Variants in FAF1 observed in about 807,000 individuals in gnomAD.
FAF1 encodes the protein FAS-associated factor 1.
FAF1 carries 25 observed loss-of-function variants against 92.5 expected under a neutral mutation model. The ratio of observed to expected loss-of-function variants is 0.27; its 90% confidence interval spans 0.20 to 0.38. The LOEUF is 0.38. Ranked by LOEUF, FAF1 falls within the 10% of genes least tolerant of loss-of-function variation. The pLI is 1.00. For missense variants in FAF1, 636 were observed against 793.3 expected (o/e 0.80, Z 2.38); for synonymous variants, 234 against 273.2 (o/e 0.86, Z 1.42).
At chr1:50,576,804 GACTA>G (rs1380167097) in intron 12 of FAF1, among the ~76,000 whole-genome samples, 15 of 150,918 alleles carry the variant, frequency 9.9e-5, no homozygotes, top group Admixed American at 4.0e-4. Context: ...CACCGCACCT[GACTA>G]ACTGTTTTTG....
At chr1:50,612,323 T>C in intron 8 of FAF1, 4 of 1,223,016 alleles carry the variant, frequency 3.3e-6, no homozygotes, top group Non-Finnish European at 3.2e-6. Flanking sequence ...ATGAAAAGGT[T>C]ATTTTACCTC....
intron 18 of FAF1, among the ~76,000 whole-genome samples, chr1:50,445,738 A>C (rs1043276860): frequency 1.3e-5 from 2 of 152,208 alleles, no homozygotes; most frequent in Non-Finnish European, 2.9e-5. Flanking sequence ...TCATTCTCAG[A>C]TAAGAGGTAT....
intron 2 of FAF1, among the ~76,000 whole-genome samples, chr1:50,816,461 C>T (rs1020208164): frequency 6.6e-6 from 1 of 151,912 alleles, no homozygotes; most frequent in Non-Finnish European, 1.5e-5. Flanking sequence ...GCCTCGGCCT[C>T]CCAAAGTGCT....
chr1:50,799,717 T>C (rs1295721859), intron 3 of FAF1, among the ~76,000 whole-genome samples: 3 of 152,336 alleles, frequency 2.0e-5, no homozygotes, highest in African/African-American at 7.2e-5. Flanking sequence ...TGTTAAGGGA[T>C]GGACTAACAA....
intron 17 of FAF1, among the ~76,000 whole-genome samples, chr1:50,482,765 C>G (rs1046301536): frequency 6.6e-6 from 1 of 152,132 alleles, no homozygotes; most frequent in Non-Finnish European, 1.5e-5. Flanking sequence ...AAATTTTGAG[C>G]ATATTTTGAT....
At chr1:50,832,160 G>A (rs1644160824) in intron 2 of FAF1, among the ~76,000 whole-genome samples, 1 of 152,076 alleles carries the variant, frequency 6.6e-6, no homozygotes, top group Non-Finnish European at 1.5e-5. Context: ...GAAATAAAGT[G>A]GAGAATAAAT....
At position 50,633,349 on chromosome 1, in the gene FAF1, A is replaced by G. The variant is rs1177389668; in HGVS notation, c.744+22093T>C. 2.0e-5 allele frequency among the ~76,000 whole-genome samples: 3 copies of G among 152,230 alleles called. No individual in the cohort carries two copies. The East Asian group carries it at 5.8e-4, about 29-fold the overall frequency. ...TCAGTCCTGTATCTTCTAACCTGTC[A>G]TAATTAATTCCATCTCCTTGCACTT... On this transcript the variant is annotated intron_variant, in intron 8 of 18. Transcript: ENST00000396153.
chr1:50,724,642 T>C (rs72900979), intron 6 of FAF1, among the ~76,000 whole-genome samples: 10,079 of 152,268 alleles, frequency 0.066, 409 homozygotes, highest in East Asian at 0.094. Context: ...TGAGAAAATA[T>C]GTAGCTTTCC....
At position 50,503,828 on chromosome 1, in the gene FAF1, A is replaced by G. The variant is rs916402557; in HGVS notation, c.1495-12027T>C. On this transcript the variant is annotated intron_variant, in intron 15 of 18. Coordinates refer to ENST00000396153, the MANE Select transcript of FAF1 (RefSeq NM_007051.3). ...TTAATTTTTAATAAAATTCTAGAAA[A>G]CGCAAACAAATCTATGCTGACAGAA... Among the ~76,000 whole-genome samples, 7 of 152,246 alleles carry G rather than the reference A, an allele frequency of 4.6e-5. No homozygotes were observed. The South Asian group carries it at 1.2e-3, about 27-fold the overall frequency.
At chr1:50,489,285 A>G (rs1223564652) in intron 17 of FAF1, among the ~76,000 whole-genome samples, 10 of 152,236 alleles carry the variant, frequency 6.6e-5, no homozygotes, top group Non-Finnish European at 1.5e-5. Flanking sequence ...TTTGTTAAAC[A>G]AGTGAAAGTG....
rs1426308864 is a variant in FAF1, at chr1:50,511,986, T to C, written c.1495-20185A>G. On this transcript the variant is annotated intron_variant, in intron 15 of 18. Transcript: ENST00000396153. ...ACTGTGGTGTTGATTTGCATTTCTCTAATGACCAGTGATGACGAGCTTTTT... is the reference window on the plus strand; with the variant it reads ...ACTGTGGTGTTGATTTGCATTTCTCCAATGACCAGTGATGACGAGCTTTTT... 8.5e-5 allele frequency among the ~76,000 whole-genome samples: 13 copies of C among 152,368 alleles called. No individual in the cohort carries two copies. In the Middle Eastern group the frequency reaches 0.01, roughly 120 times the overall value.
At chr1:50,561,844 T>TGGAAGGAA (rs1557995999) in intron 13 of FAF1, among the ~76,000 whole-genome samples, 5 of 94,270 alleles carry the variant, frequency 5.3e-5, no homozygotes, top group Non-Finnish European at 1.2e-4. Flanking sequence ...GATGGACGGA[T>TGGAAGGAA]GGACGGAAGG....
Position 50,846,292 on chromosome 1 carries a change from T to G in FAF1, c.114+11637A>C, listed in dbSNP as rs369015091. ...AAGTACATTTGCAAGTGACAAGCTG[T>G]CATCAGAAACAGACTCATGCATGAG... On this transcript the variant is annotated intron_variant, in intron 2 of 18. Coordinates refer to ENST00000396153, the MANE Select transcript of FAF1 (RefSeq NM_007051.3). Among the ~76,000 whole-genome samples, 47 of 150,732 alleles carry G rather than the reference T, an allele frequency of 3.1e-4. No homozygotes were observed. The East Asian group carries it at 9.1e-3, about 29-fold the overall frequency.
chr1:50,514,245 C>T (rs1306375468), intron 15 of FAF1, among the ~76,000 whole-genome samples: 1 of 152,146 alleles, frequency 6.6e-6, no homozygotes, highest in Non-Finnish European at 1.5e-5. Flanking sequence ...AGAGACTTTG[C>T]CATATTTATC....
intron 17 of FAF1, among the ~76,000 whole-genome samples, chr1:50,482,558 T>TTAA (rs1646716041): frequency 6.6e-6 from 1 of 152,246 alleles, no homozygotes; most frequent in East Asian, 1.9e-4. Context: ...ATATGCATGT[T>TTAA]TAACTTTACA....
chr1:50,625,818 C>T (rs921244656), intron 8 of FAF1, among the ~76,000 whole-genome samples: 3 of 151,940 alleles, frequency 2.0e-5, no homozygotes, highest in Non-Finnish European at 4.4e-5. Flanking sequence ...AACGGGAAAC[C>T]ACTGAGAGAT....
At chr1:50,697,135 G>A (rs886882452) in intron 7 of FAF1, among the ~76,000 whole-genome samples, 2 of 152,022 alleles carry the variant, frequency 1.3e-5, no homozygotes, top group South Asian at 2.1e-4. Flanking sequence ...CTATAAAAAT[G>A]TCCACTTTTC....
chr1:50,687,072 G>A (rs1656696279), intron 7 of FAF1, among the ~76,000 whole-genome samples: 1 of 152,060 alleles, frequency 6.6e-6, no homozygotes, highest in Admixed American at 6.6e-5. Flanking sequence ...CAGGCCATCC[G>A]TCCACCTGAG....
chr1:50,676,492 T>C (rs577327236), intron 7 of FAF1, among the ~76,000 whole-genome samples: 122 of 151,748 alleles, frequency 8.0e-4, no homozygotes, highest in Non-Finnish European at 1.4e-3. Flanking sequence ...TAAATATTAT[T>C]TTCAATGTAA....
Sources: gnomAD v4.1 joint callset for allele counts (sites outside exome capture counted in the v4.1 genomes callset) on GRCh38, gnomAD v4.1.1 for gene constraint, MANE v1.5 for transcripts, NCBI Gene and HGNC (gene_info 2026-07-23, HGNC 2026-07-21) for gene names.